PDZD2: variants seen among roughly 807,000 people sequenced by gnomAD.
PDZD2 encodes PDZ domain containing 2.
A neutral mutation model predicts 220.7 loss-of-function variants in PDZD2; 90 were observed. That is an observed-to-expected ratio of 0.41 (90% confidence interval 0.34 to 0.49). The LOEUF (loss-of-function observed/expected upper bound fraction) is 0.49, where lower values mean the gene tolerates loss of function less well. PDZD2 is among the 20% of genes least tolerant of loss of function. The pLI is 0.28. For synonymous variants in PDZD2, 1,375 were observed against 1,450.5 expected (o/e 0.95, Z 1.18); for missense variants, 3,174 against 3,608.5 (o/e 0.88, Z 3.08).
At chr5:31,680,703 G>A (rs1580556529) in intron 1 of PDZD2, among the ~76,000 whole-genome samples, 2 of 152,210 alleles carry the variant, frequency 1.3e-5, no homozygotes, top group Non-Finnish European at 2.9e-5. Flanking sequence ...CAGCCTTCTC[G>A]TCAGGACGTG....
chr5:32,048,515 T>G (rs760772846), intron 7 of PDZD2, 24 bp from the exon 8 acceptor site: 3 of 1,605,034 alleles, frequency 1.9e-6, no homozygotes, highest in Non-Finnish European at 2.6e-6. Context: ...TATCAAACTA[T>G]GTTTTCTCCT....
intron 1 of PDZD2, among the ~76,000 whole-genome samples, chr5:31,792,716 C>T (rs1229365881): frequency 6.6e-6 from 1 of 151,168 alleles, no homozygotes; most frequent in African/African-American, 2.4e-5. Context: ...CTGCACCCAA[C>T]CTTTGATTCC....
chr5:31,744,620 GGAAA>G (rs1247216211), intron 1 of PDZD2, among the ~76,000 whole-genome samples: 1 of 151,850 alleles, frequency 6.6e-6, no homozygotes, highest in Non-Finnish European at 1.5e-5. Context: ...TGGTTGAACA[GGAAA>G]GAATCTCACT....
chr5:32,043,552 A>C (rs190700187), intron 7 of PDZD2, among the ~76,000 whole-genome samples: 28 of 152,370 alleles, frequency 1.8e-4, no homozygotes, highest in Admixed American at 1.3e-3. Context: ...TGCATATGGC[A>C]CTACCACTCC....
chr5:31,843,117 G>A (rs910591139), intron 2 of PDZD2, among the ~76,000 whole-genome samples: 10 of 152,094 alleles, frequency 6.6e-5, no homozygotes, highest in South Asian at 2.1e-4. Context: ...CTGACCTCAG[G>A]TGATCCACCC....
chr5:31,694,078 A>G (rs1376075028), intron 1 of PDZD2, among the ~76,000 whole-genome samples: 1 of 152,184 alleles, frequency 6.6e-6, no homozygotes, highest in South Asian at 2.1e-4. Flanking sequence ...CTTCGTAATC[A>G]TGTTAGCATT....
rs80292234 is a variant in PDZD2 at position 31,841,457 on chromosome 5, G to A, written c.476+41733G>A. ...TGGGAGGCCCAGGTGGGCAGATCAC[G>A]AGATCAAGAGATCGAGACCATCCTG... On this transcript the variant is annotated intron_variant, in intron 2 of 24. Coordinates refer to ENST00000438447, the MANE Select transcript of PDZD2 (RefSeq NM_178140.4). Among the ~76,000 whole-genome samples the A allele has an allele frequency of 3.0e-4, 45 of 152,294 alleles. No homozygotes were observed. In the East Asian group the frequency reaches 6.6e-3, roughly 22 times the overall value.
chr5:31,699,782 T>G (rs1342548426), intron 1 of PDZD2, among the ~76,000 whole-genome samples: 1 of 94,838 alleles, frequency 1.1e-5, no homozygotes, highest in African/African-American at 4.2e-5. Flanking sequence ...TTTTTGTTTG[T>G]TTTTTTTTTG....
rs1002036453 is a variant in PDZD2 at position 32,057,109 on chromosome 5, T to A, written c.1901-546T>A. Among the ~76,000 whole-genome samples, 9 of 151,494 alleles carry A rather than the reference T, an allele frequency of 5.9e-5. 1 individual carries two copies. The highest frequency in any genetic ancestry group is 4.2e-4 in the South Asian group (2 of 4,790). On this transcript the variant is annotated intron_variant, in intron 10 of 24. Transcript: ENST00000438447. Reference sequence around the variant, plus strand: ...AGCAATACTCTGTTTCAAAAAAAAATTTTTTTTTAGTAAAAAAAAGACTGT... The same window carrying A: ...AGCAATACTCTGTTTCAAAAAAAAAATTTTTTTTAGTAAAAAAAAGACTGT...
chr5:32,082,408 A>G (rs1742063628), intron 19 of PDZD2, among the ~76,000 whole-genome samples: 1 of 152,042 alleles, frequency 6.6e-6, no homozygotes, highest in Non-Finnish European at 1.5e-5. Flanking sequence ...AAAATCCAAA[A>G]TGACCCGTAC....
intron 1 of PDZD2, among the ~76,000 whole-genome samples, chr5:31,769,195 G>A (rs992835319): frequency 3.9e-5 from 6 of 151,964 alleles, no homozygotes; most frequent in African/African-American, 1.2e-4. Flanking sequence ...GTGTAGGTCC[G>A]TACTGACCAG....
chr5:31,767,193 A>C (rs1395059905), intron 1 of PDZD2, among the ~76,000 whole-genome samples: 2 of 151,496 alleles, frequency 1.3e-5, no homozygotes, highest in African/African-American at 4.9e-5. Flanking sequence ...CACCATGCCC[A>C]GCTAATTTTT....
intron 2 of PDZD2, among the ~76,000 whole-genome samples, chr5:31,853,479 G>A (rs940878437): frequency 3.3e-5 from 5 of 152,186 alleles, no homozygotes; most frequent in African/African-American, 1.2e-4. Context: ...CCACCTGAAT[G>A]AAGCAACTAG....
intron 1 of PDZD2, among the ~76,000 whole-genome samples, chr5:31,766,094 T>G (rs2150192413): frequency 6.6e-6 from 1 of 152,200 alleles, no homozygotes; most frequent in East Asian, 1.9e-4. Flanking sequence ...GTGGAAGAAT[T>G]ACCTGAGCCC....
At position 31,840,746 on chromosome 5, in the gene PDZD2, T is replaced by C. The variant is rs908533920; in HGVS notation, c.476+41022T>C. 63 of 809,360 alleles carry C rather than the reference T, an allele frequency of 7.8e-5. No homozygotes were observed. The South Asian group carries it at 8.2e-4, about 11-fold the overall frequency. 50.1% of individuals were successfully genotyped at this position (809,360 alleles called of 1,614,324 possible). A position where few individuals can be genotyped will look rare whatever the true frequency, so the allele number is the denominator to read the frequency against. On this transcript the variant is annotated intron_variant, in intron 2 of 24. Coordinates refer to ENST00000438447, the MANE Select transcript of PDZD2 (RefSeq NM_178140.4). Reference sequence around the variant, plus strand: ...GAATCTTGCCCTTAACTTGTTTGTTTACAACAATGCCAACAGCATGCTGGG... The same window carrying C: ...GAATCTTGCCCTTAACTTGTTTGTTCACAACAATGCCAACAGCATGCTGGG...
At chr5:32,076,007 C>T (rs1056420719) in intron 18 of PDZD2, among the ~76,000 whole-genome samples, 9 of 152,012 alleles carry the variant, frequency 5.9e-5, no homozygotes, top group African/African-American at 1.2e-4. Context: ...AAGCATCGGC[C>T]GGGCACAGTG....
At chr5:31,847,505 C>G (rs1193859606) in intron 2 of PDZD2, 1 of 642,460 alleles carries the variant, frequency 1.6e-6, no homozygotes, top group East Asian at 3.2e-5. Flanking sequence ...ACAGCTTATG[C>G]ACACACTGCC....
At position 32,000,306 on chromosome 5, in the gene PDZD2, T is replaced by C; in HGVS notation, c.1254+35T>C. Reference sequence around the variant, plus strand: ...GTTTGTTTTTTGGTACTCGTAATGGTGGCAGTGGTGAGTTGGGGTTGAGCC... The same window carrying C: ...GTTTGTTTTTTGGTACTCGTAATGGCGGCAGTGGTGAGTTGGGGTTGAGCC... On this transcript the variant is annotated intron_variant, in intron 5 of 24. Coordinates refer to ENST00000438447, the MANE Select transcript of PDZD2 (RefSeq NM_178140.4). This position sits in a 1 kb window ranked among gnomAD's most constrained non-coding sequence, Gnocchi z 4.5. 1 of 1,611,478 alleles carries C rather than the reference T, an allele frequency of 6.2e-7. No individual in the cohort carries two copies. The highest frequency in any genetic ancestry group is 8.5e-7 in the Non-Finnish European group (1 of 1,177,698).
intron 2 of PDZD2, among the ~76,000 whole-genome samples, chr5:31,926,264 C>A (rs778025357): frequency 6.6e-6 from 1 of 150,982 alleles, no homozygotes; most frequent in Non-Finnish European, 1.5e-5. Flanking sequence ...CATGATGGCT[C>A]ACGCCTGTAA....
Sources: gnomAD v4.1 joint callset for allele counts (sites outside exome capture counted in the v4.1 genomes callset) on GRCh38, gnomAD v4.1.1 for gene constraint, Gnocchi (gnomAD v3.1) non-coding constraint, MANE v1.5 for transcripts, NCBI Gene and HGNC (gene_info 2026-07-23, HGNC 2026-07-21) for gene names.